The following MROH1 variants were observed in gnomAD, a reference collection of about 807,000 sequenced individuals.
MROH1 encodes maestro heat like repeat family member 1, also known as maestro heat-like repeat-containing protein family member 1.
In MROH1, 117 loss-of-function variants were observed where a neutral mutation model predicts 116.5. The ratio of observed to expected loss-of-function variants is 1.00; its 90% CI spans 0.86 to 1.17. The LOEUF (loss-of-function observed/expected upper bound fraction) is 1.17. Among genes scored for constraint, MROH1 ranks in the 50% most tolerant of loss-of-function variants. MROH1 has a pLI of 0.00. For synonymous variants in MROH1, 921 were observed against 583.9 expected (o/e 1.58, Z -8.32); for missense variants, 1,873 against 1,338.5 (o/e 1.40, Z -6.23).
At chr8:144,234,432 G>A (rs1442058647) in intron 14 of MROH1, among the ~76,000 whole-genome samples, 1 of 140,394 alleles carries the variant, frequency 7.1e-6, no homozygotes, top group Non-Finnish European at 1.5e-5. Flanking sequence ...TTTTTCGTTA[G>A]ATTTATTCAT....
At chr8:144,172,360 C>T (rs529557515) in intron 4 of MROH1, among the ~76,000 whole-genome samples, 21 of 152,100 alleles carry the variant, frequency 1.4e-4, no homozygotes, top group Middle Eastern at 6.8e-3. Flanking sequence ...TTAATTCAGG[C>T]GTTTCTGTCT....
chr8:144,216,614 CACTGTTCACT>C (rs1588247569), intron 12 of MROH1, among the ~76,000 whole-genome samples: 1 of 151,976 alleles, frequency 6.6e-6, no homozygotes, highest in East Asian at 1.9e-4. Context: ...CTGGTGGTCC[CACTGTTCACT>C]TGGTTACCCT....
chr8:144,156,694 G>T (rs1818178014), intron 1 of MROH1, among the ~76,000 whole-genome samples: 1 of 83,296 alleles, frequency 1.2e-5, no homozygotes, highest in Non-Finnish European at 2.1e-5. Flanking sequence ...GGGTGACAGA[G>T]CAAGACTCTG....
At chr8:144,227,859 G>T (rs376360331) in intron 14 of MROH1, among the ~76,000 whole-genome samples, 2 of 151,904 alleles carry the variant, frequency 1.3e-5, no homozygotes, top group Admixed American at 6.6e-5. Context: ...AGGCTGAGGT[G>T]GGAGGATCAT....
In MROH1 at chr8:144,255,211, T is replaced by C. The variant is rs888081973; in HGVS notation, c.3594+233T>C. Among the ~76,000 whole-genome samples the C allele has an allele frequency of 2.8e-4, 43 of 152,338 alleles. 1 individual carries two copies. In the South Asian group the frequency reaches 8.5e-3, roughly 30 times the overall value. On this transcript the variant is annotated intron_variant, in intron 34 of 43. Coordinates refer to ENST00000326134, the MANE Select transcript of MROH1 (RefSeq NM_032450.3). ...AAAAAAAATAAACCCAGCTTGGCAGTGTTTTAAGCAGTAAAGCAGCTGTGA... is the reference window on the plus strand; with the variant it reads ...AAAAAAAATAAACCCAGCTTGGCAGCGTTTTAAGCAGTAAAGCAGCTGTGA...
chr8:144,244,100 G>A (rs1367227659), intron 26 of MROH1, 122 bp from the exon 27 acceptor site: 145 of 697,964 alleles, frequency 2.1e-4, no homozygotes, highest in Non-Finnish European at 3.1e-4. Context: ...ATGGGGTGCC[G>A]CCATGGTCTG....
At chr8:144,150,101 C>G (rs1392471175) in intron 1 of MROH1, among the ~76,000 whole-genome samples, 1 of 152,072 alleles carries the variant, frequency 6.6e-6, no homozygotes, top group Non-Finnish European at 1.5e-5. Context: ...CTCGCACACC[C>G]CCTCCTAACC....
intron 16 of MROH1, 35 bp from the exon 17 acceptor site, chr8:144,239,288 G>GC (rs1288020417): frequency 9.0e-6 from 7 of 777,038 alleles, no homozygotes; most frequent in East Asian, 7.4e-5. Context: ...GCTACAGGCA[G>GC]CCCCCCACTG....
chr8:144,259,089 C>T lies in MROH1; in HGVS notation c.3930-151C>T, dbSNP rs961120357. On this transcript the variant is annotated intron_variant, in intron 36 of 43. Coordinates refer to ENST00000326134, the MANE Select transcript of MROH1 (RefSeq NM_032450.3). Reference sequence around the variant, plus strand: ...GGGAGGCACCCCTGCAGAGGCCTGGCGAGGCAAGCTGGGAGGCATCTCTGA... The same window carrying T: ...GGGAGGCACCCCTGCAGAGGCCTGGTGAGGCAAGCTGGGAGGCATCTCTGA... The T allele has an allele frequency of 1.3e-5, 9 of 672,556 alleles. 2 individuals carry two copies. Among genetic ancestry groups the T allele is most frequent in the East Asian group, 8.1e-5 (3 of 36,928 alleles). 41.7% of individuals were successfully genotyped at this position (672,556 alleles called of 1,614,324 possible). A position where few individuals can be genotyped will look rare whatever the true frequency, so the allele number is the denominator to read the frequency against.
chr8:144,253,676 C>T (rs1047439541), intron 33 of MROH1, among the ~76,000 whole-genome samples: 4 of 151,994 alleles, frequency 2.6e-5, no homozygotes, highest in Admixed American at 6.6e-5. Flanking sequence ...GCTTGAAGGA[C>T]GCTCCTGGAA....
chr8:144,170,155 C>G (rs1353745107), intron 4 of MROH1, among the ~76,000 whole-genome samples: 5 of 152,172 alleles, frequency 3.3e-5, no homozygotes, highest in African/African-American at 1.2e-4. Flanking sequence ...TTATGGCTGC[C>G]TTGGGGGAGA....
At chr8:144,219,997 AGTCCT>A (rs1331804354) in intron 12 of MROH1, among the ~76,000 whole-genome samples, 1 of 152,222 alleles carries the variant, frequency 6.6e-6, no homozygotes, top group Non-Finnish European at 1.5e-5. Context: ...GTGGGACAGC[AGTCCT>A]GTCCTGTGCA....
At chr8:144,192,260 CG>C (rs1564440569) in intron 9 of MROH1, 48 bp from the exon 10 acceptor site, 1 of 1,488,966 alleles carries the variant, frequency 6.7e-7, no homozygotes, top group East Asian at 2.4e-5. Flanking sequence ...TTAGTCAGTT[CG>C]GGCGGCTGGA....
At chr8:144,194,282 C>T (rs571226507) in intron 10 of MROH1, among the ~76,000 whole-genome samples, 5 of 152,022 alleles carry the variant, frequency 3.3e-5, no homozygotes, top group African/African-American at 2.4e-5. Flanking sequence ...AGGCTGGTCA[C>T]GAACTCCTGA....
Position 144,180,466 on chromosome 8 carries a change from C to T in MROH1, c.505C>T (p.Leu169=), listed in dbSNP as rs1825312573. 2 of 1,612,922 alleles carry T rather than the reference C, an allele frequency of 1.2e-6. No individual in the cohort carries two copies. The highest frequency in any genetic ancestry group is 1.7e-6 in the Non-Finnish European group (2 of 1,179,832). Residue 169 remains leucine (L), a synonymous_variant, in exon 7 of 44, where the codon CTG becomes TTG. Transcript: ENST00000326134. This position sits in a 1 kb window ranked among gnomAD's most constrained non-coding sequence, Gnocchi z 7.4. ...CTTCCTGCCATCCGTCCTGAGCTCC[C>T]TGCTGCCCGTGCTGGGCGTGGCCAA... The part of the protein sequence containing the change: ...VPFLPSVLSS[L]LPVLGVAKQD...
chr8:144,175,139 T>C (rs1312915683), intron 4 of MROH1: 1 of 985,290 alleles, frequency 1.0e-6, no homozygotes, highest in Non-Finnish European at 1.2e-6. Flanking sequence ...TCTGGTCAGG[T>C]GGGTATTAAT....
intron 4 of MROH1, among the ~76,000 whole-genome samples, chr8:144,178,226 G>T (rs1460939022): frequency 1.3e-5 from 2 of 152,086 alleles, no homozygotes; most frequent in African/African-American, 4.8e-5. Flanking sequence ...CTGCCTCCCG[G>T]GTTCAAGCGA....
chr8:144,259,849 G>A, intron 37 of MROH1, 62 bp from the exon 38 acceptor site: 1 of 714,232 alleles, frequency 1.4e-6, no homozygotes, highest in Non-Finnish European at 2.6e-6. Flanking sequence ...TCTGGGCCTG[G>A]GCTGGTGGGT....
rs573569353 is a variant in MROH1, at chr8:144,172,069, G to A, written c.168+3629G>A. 1.2e-4 allele frequency among the ~76,000 whole-genome samples: 18 copies of A among 152,278 alleles called. 1 individual carries two copies. The South Asian group carries it at 2.7e-3, about 23-fold the overall frequency. ...AGACTGGACTCTGGCATAGCATCAC[G>A]TGATAGATAGTGGGCCCTGAAGGAA... On this transcript the variant is annotated intron_variant, in intron 4 of 43. Transcript: ENST00000326134.
Sources: gnomAD v4.1 joint callset for allele counts (sites outside exome capture counted in the v4.1 genomes callset) on GRCh38, gnomAD v4.1.1 for gene constraint, Gnocchi (gnomAD v3.1) non-coding constraint, MANE v1.5 for transcripts, NCBI Gene and HGNC (gene_info 2026-07-23, HGNC 2026-07-21) for gene names.